The following ZNF804B variants were observed in gnomAD, a reference collection of about 807,000 sequenced individuals.
ZNF804B encodes zinc finger protein 804B.
ZNF804B carries 80 observed loss-of-function variants against 101.4 expected under a neutral mutation model. The ratio of observed to expected loss-of-function variants is 0.79; its 90% CI spans 0.66 to 0.95. The LOEUF is 0.95. ZNF804B is among the 40% of genes least tolerant of loss of function. The pLI is 0.00. For missense variants in ZNF804B, 1,673 were observed against 1,561.9 expected, an observed-to-expected ratio of 1.07 and a Z score of -1.20; for synonymous variants, 622 against 558.8, an observed-to-expected ratio of 1.11 and a Z score of -1.59.
At position 89,220,090 on chromosome 7, in the gene ZNF804B, T is replaced by TAC. The variant is rs1373580805; in HGVS notation, c.249+1796_249+1797dup. 2.7e-5 allele frequency among the ~76,000 whole-genome samples: 3 copies of TAC among 111,912 alleles called. 1 individual carries two copies. Among genetic ancestry groups the TAC allele is most frequent in the Admixed American group, 1.7e-4 (2 of 11,742 alleles). The allele number at this position is 111,912 out of a possible 152,430, so 73.4% of individuals were successfully genotyped here. A position where few individuals can be genotyped will look rare whatever the true frequency, so the allele number is the denominator to read the frequency against. Reference sequence around the variant, plus strand: ...ACATATATGTGTATATACATATATATACGCACATATATATGTGTGTATATA... The same window carrying TAC: ...ACATATATGTGTATATACATATATATACACGCACATATATATGTGTGTATATA... On this transcript the variant is annotated intron_variant, in intron 2 of 3. Transcript: ENST00000333190.
At chr7:88,987,003 C>T (rs1426537211) in intron 1 of ZNF804B, among the ~76,000 whole-genome samples, 2 of 152,000 alleles carry the variant, frequency 1.3e-5, no homozygotes, top group African/African-American at 4.8e-5. Flanking sequence ...TCTTTGGAGC[C>T]TGTTATTCAA....
chr7:88,889,961 A>G (rs1792191755), intron 1 of ZNF804B, among the ~76,000 whole-genome samples: 1 of 152,126 alleles, frequency 6.6e-6, no homozygotes, highest in Non-Finnish European at 1.5e-5. Context: ...ATATTGTGAG[A>G]GATAGGGGTC....
At chr7:88,776,243 G>A (rs1374740912) in intron 1 of ZNF804B, among the ~76,000 whole-genome samples, 1 of 152,172 alleles carries the variant, frequency 6.6e-6, no homozygotes, top group East Asian at 1.9e-4. Flanking sequence ...GTTAAAAACA[G>A]GTTTTCATGA....
intron 1 of ZNF804B, among the ~76,000 whole-genome samples, chr7:88,955,850 A>G (rs768505642): frequency 1.3e-5 from 2 of 151,736 alleles, no homozygotes; most frequent in African/African-American, 2.4e-5. Flanking sequence ...CAAACTACTC[A>G]TCCAACTAGG....
At chr7:89,014,200 C>A (rs1484641269) in intron 1 of ZNF804B, among the ~76,000 whole-genome samples, 2 of 152,140 alleles carry the variant, frequency 1.3e-5, no homozygotes, top group Non-Finnish European at 2.9e-5. Context: ...ACTCTCTGCA[C>A]CCTCACCAAC....
At chr7:89,038,109 CT>C (rs1329523636) in intron 1 of ZNF804B, among the ~76,000 whole-genome samples, 2 of 152,130 alleles carry the variant, frequency 1.3e-5, no homozygotes, top group African/African-American at 4.8e-5. Context: ...CATATCTTGT[CT>C]TGTGTCAATA....
chr7:88,972,772 G>T (rs1045986366), intron 1 of ZNF804B, among the ~76,000 whole-genome samples: 1 of 151,212 alleles, frequency 6.6e-6, no homozygotes, highest in African/African-American at 2.4e-5. Context: ...AACTCCAAGG[G>T]TTCCATAATT....
At chr7:88,806,638 TG>T (rs1203558802) in intron 1 of ZNF804B, among the ~76,000 whole-genome samples, 3 of 151,280 alleles carry the variant, frequency 2.0e-5, no homozygotes, top group Admixed American at 6.6e-5. Flanking sequence ...TGTGTGTGTA[TG>T]TGTGTGTATG....
At chr7:88,854,435 C>CTTTCTTTCTTTCT (rs1791508507) in intron 1 of ZNF804B, among the ~76,000 whole-genome samples, 1 of 123,710 alleles carries the variant, frequency 8.1e-6, no homozygotes, top group Non-Finnish European at 1.7e-5. Flanking sequence ...TTCTTTCTTT[C>CTTTCTTTCTTTCT]TTTCTTTCTT....
At chr7:89,303,401 G>C (rs1252203893) in intron 2 of ZNF804B, among the ~76,000 whole-genome samples, 2 of 151,848 alleles carry the variant, frequency 1.3e-5, no homozygotes, top group East Asian at 3.8e-4. Flanking sequence ...GATTCCAAGG[G>C]AGAGTAATGA....
At chr7:89,118,406 A>T (rs1484659700) in intron 1 of ZNF804B, among the ~76,000 whole-genome samples, 5 of 152,160 alleles carry the variant, frequency 3.3e-5, no homozygotes, top group Non-Finnish European at 5.9e-5. Flanking sequence ...TTATTTACAC[A>T]TAAGAAATTA....
intron 1 of ZNF804B, among the ~76,000 whole-genome samples, chr7:89,153,250 A>G (rs932048635): frequency 6.6e-6 from 1 of 151,750 alleles, no homozygotes; most frequent in Non-Finnish European, 1.5e-5. Flanking sequence ...TGAAACCAAC[A>G]GAGGTCACCC....
At chr7:88,869,302 T>G (rs1791780771) in intron 1 of ZNF804B, among the ~76,000 whole-genome samples, 1 of 152,194 alleles carries the variant, frequency 6.6e-6, no homozygotes, top group South Asian at 2.1e-4. Context: ...GTCCTTTGTA[T>G]TACCCACCAG....
intron 1 of ZNF804B, among the ~76,000 whole-genome samples, chr7:88,812,299 A>G (rs918526860): frequency 6.6e-6 from 1 of 152,206 alleles, no homozygotes; most frequent in Admixed American, 6.5e-5. Flanking sequence ...TCCATTACCC[A>G]TGTGAAAAAT....
At chr7:89,072,671 G>A (rs929640274) in intron 1 of ZNF804B, among the ~76,000 whole-genome samples, 1 of 152,104 alleles carries the variant, frequency 6.6e-6, no homozygotes, top group African/African-American at 2.4e-5. Flanking sequence ...AGAAATTCAG[G>A]AGAGTGACAT....
intron 1 of ZNF804B, among the ~76,000 whole-genome samples, chr7:88,870,124 C>T (rs947759249): frequency 1.8e-4 from 28 of 151,576 alleles, no homozygotes; most frequent in African/African-American, 4.6e-4. Flanking sequence ...CGGTGGCTCA[C>T]GCCTGTAATC....
chr7:88,801,264 G>T (rs972085278), intron 1 of ZNF804B, among the ~76,000 whole-genome samples: 11 of 151,566 alleles, frequency 7.3e-5, no homozygotes, highest in Admixed American at 2.0e-4. Context: ...ATGTAGCCTG[G>T]AGCAGAACTG....
In ZNF804B at chr7:89,338,232, G is replaced by A. The variant is rs1322243755; in HGVS notation, c.*1200G>A. ...AAATGGAGGTAATCATTTATCTAAT[G>A]CTGTCTATACGAAGATGCAAACTCC... On this transcript the variant is annotated 3_prime_UTR_variant, in exon 4 of 4. Transcript: ENST00000333190. Among the ~76,000 whole-genome samples, 1 of 152,012 alleles carries A rather than the reference G, an allele frequency of 6.6e-6. No individual in the cohort carries two copies. The highest frequency in any genetic ancestry group is 1.5e-5 in the Non-Finnish European group (1 of 67,946).
At chr7:88,971,925 G>T (rs1233317034) in intron 1 of ZNF804B, among the ~76,000 whole-genome samples, 4 of 151,400 alleles carry the variant, frequency 2.6e-5, no homozygotes, top group African/African-American at 9.7e-5. Flanking sequence ...GTTTCATTTG[G>T]TTTATCTTTT....
Sources: gnomAD v4.1 joint callset for allele counts (sites outside exome capture counted in the v4.1 genomes callset) on GRCh38, gnomAD v4.1.1 for gene constraint, MANE v1.5 for transcripts, NCBI Gene and HGNC (gene_info 2026-07-23, HGNC 2026-07-21) for gene names.